Variants in TPH1 observed in about 807,000 individuals in gnomAD.
TPH1 encodes the protein tryptophan 5-hydroxylase 1.
In TPH1, 37 loss-of-function variants were observed where a neutral mutation model predicts 49.5. The ratio of observed to expected loss-of-function variants is 0.75; its 90% CI spans 0.58 to 0.98. TPH1 has a LOEUF of 0.98. Among genes scored for constraint, TPH1 ranks in the 50% least tolerant of loss-of-function variants. The pLI, the probability that TPH1 is intolerant of heterozygous loss-of-function variation, is 0.00. For synonymous variants in TPH1, 160 were observed against 182.1 expected, an observed-to-expected ratio of 0.88 and a Z score of 0.98; for missense variants, 487 against 523.6, an observed-to-expected ratio of 0.93 and a Z score of 0.68.
intron 2 of TPH1, among the ~76,000 whole-genome samples, chr11:18,039,794 T>A (rs1036345833): frequency 4.6e-5 from 7 of 152,150 alleles, no homozygotes; most frequent in Non-Finnish European, 1.0e-4. Flanking sequence ...ACTCAATAAA[T>A]ATTCGTGTTC....
intron 3 of TPH1, among the ~76,000 whole-genome samples, chr11:18,035,109 C>T (rs1029229342): frequency 2.6e-5 from 4 of 152,226 alleles, no homozygotes; most frequent in African/African-American, 7.2e-5. Flanking sequence ...TGCTGTGCAG[C>T]CTGGTTCCTA....
At chr11:18,045,438 A>T (rs1287440449) in intron 1 of TPH1, among the ~76,000 whole-genome samples, 3 of 151,964 alleles carry the variant, frequency 2.0e-5, no homozygotes. Flanking sequence ...TAAACCACAG[A>T]TTATAACTTT....
At chr11:18,041,382 C>T (rs1848097435) in intron 1 of TPH1, 2 of 152,616 alleles carry the variant, frequency 1.3e-5, no homozygotes, top group African/African-American at 2.4e-5. Context: ...TTCTTAACCA[C>T]CTATTTACAC....
intron 6 of TPH1, among the ~76,000 whole-genome samples, chr11:18,028,885 C>T (rs889085975): frequency 6.6e-6 from 1 of 151,812 alleles, no homozygotes; most frequent in African/African-American, 2.4e-5. Context: ...GCCAACATGG[C>T]GAAACCCCAT....
At chr11:18,028,303 C>T (rs972273333) in intron 6 of TPH1, among the ~76,000 whole-genome samples, 8 of 152,198 alleles carry the variant, frequency 5.3e-5, no homozygotes, top group Non-Finnish European at 1.0e-4. Context: ...TGGAAAATGT[C>T]TTCAACCTTC....
At chr11:18,041,867 G>T (rs1234780408) in intron 1 of TPH1, among the ~76,000 whole-genome samples, 1 of 152,178 alleles carries the variant, frequency 6.6e-6, no homozygotes, top group Non-Finnish European at 1.5e-5. Flanking sequence ...CAACCCAAGC[G>T]CATTCACATG....
intron 1 of TPH1, among the ~76,000 whole-genome samples, chr11:18,041,489 A>C (rs1191151672): frequency 6.6e-6 from 1 of 152,194 alleles, no homozygotes; most frequent in Admixed American, 6.5e-5. Flanking sequence ...CATGCTACTT[A>C]ACCTTTCTAA....
At chr11:18,034,980 C>G (rs145171812) in intron 3 of TPH1, among the ~76,000 whole-genome samples, 102 of 152,278 alleles carry the variant, frequency 6.7e-4, no homozygotes, top group African/African-American at 2.4e-3. Flanking sequence ...TTTCATCAGG[C>G]ATTGGATTCT....
chr11:18,039,213 T>C (rs1848075480), intron 2 of TPH1, among the ~76,000 whole-genome samples: 1 of 152,254 alleles, frequency 6.6e-6, no homozygotes, highest in African/African-American at 2.4e-5. Context: ...TAGTATGTCA[T>C]ATGATTATTA....
At chr11:18,036,790 A>T (rs919338311) in intron 2 of TPH1, among the ~76,000 whole-genome samples, 1 of 152,206 alleles carries the variant, frequency 6.6e-6, no homozygotes, top group Non-Finnish European at 1.5e-5. Flanking sequence ...TTTTTCATCT[A>T]AAACAATGAG....
chr11:18,025,557 C>T lies in TPH1; in HGVS notation c.930+18G>A, dbSNP rs575651405. On this transcript the variant is annotated intron_variant, in intron 8 of 10. Coordinates refer to ENST00000682019, the MANE Select transcript of TPH1 (RefSeq NM_004179.3). ...CACCCTACCCCAGGTGAAAATATAG[C>T]TAATTCCAGATTTATACCGTTGCCA... 1.5e-5 allele frequency: 24 copies of T among 1,613,582 alleles called. No homozygotes were observed. The African/African-American group carries it at 2.8e-4, about 19-fold the overall frequency.
At chr11:18,029,017 C>A in intron 6 of TPH1, 148 bp downstream of exon 6, 1 of 601,688 alleles carries the variant, frequency 1.7e-6, no homozygotes, top group African/African-American at 2.0e-5. Context: ...GTGACAGAGG[C>A]TGCAGTGAGC....
chr11:18,030,218 G>C (rs1274704196), intron 4 of TPH1, among the ~76,000 whole-genome samples: 3 of 151,624 alleles, frequency 2.0e-5, no homozygotes, highest in African/African-American at 7.3e-5. Flanking sequence ...AGACCAGCCT[G>C]GGCAACAAAG....
chr11:18,045,677 T>C lies in TPH1; in HGVS notation c.-27+564A>G, dbSNP rs372716751. 1.1e-4 allele frequency among the ~76,000 whole-genome samples: 16 copies of C among 152,314 alleles called. No individual in the cohort carries two copies. In the South Asian group the frequency reaches 3.1e-3, roughly 30 times the overall value. On this transcript the variant is annotated intron_variant, in intron 1 of 10. Transcript: ENST00000682019. ...TAAACCGCAAGGACCTAGTCCTCTTTGTCAATTGCGACCTTGCAAAAAGCT... is the reference window on the plus strand; with the variant it reads ...TAAACCGCAAGGACCTAGTCCTCTTCGTCAATTGCGACCTTGCAAAAAGCT...
intron 4 of TPH1, 56 bp downstream of exon 4, chr11:18,033,218 A>C: frequency 7.5e-7 from 1 of 1,330,770 alleles, no homozygotes; most frequent in African/African-American, 1.4e-5. Context: ...GTGCCACTGC[A>C]CTCCAGTCTG....
At chr11:18,037,046 C>T (rs1265120917) in intron 2 of TPH1, among the ~76,000 whole-genome samples, 2 of 151,954 alleles carry the variant, frequency 1.3e-5, no homozygotes, top group Admixed American at 1.3e-4. Context: ...CAGGTGGGAA[C>T]TTAAATGAAT....
At chr11:18,037,262 G>A (rs1030141197) in intron 2 of TPH1, among the ~76,000 whole-genome samples, 15 of 152,090 alleles carry the variant, frequency 9.9e-5, no homozygotes, top group African/African-American at 3.6e-4. Flanking sequence ...GGATACTGAG[G>A]TGGGAGGGTC....
Position 18,046,266 on chromosome 11 carries a change from G to A in TPH1, c.-52C>T, listed in dbSNP as rs958851218. ...CTCGGGCGCCAGTAGGTGCAGGCTGGGTCGGCCGGCGGCCCCGCGCTGCCT... is the reference window on the plus strand; with the variant it reads ...CTCGGGCGCCAGTAGGTGCAGGCTGAGTCGGCCGGCGGCCCCGCGCTGCCT... On this transcript the variant is annotated 5_prime_UTR_variant, in exon 1 of 11. Transcript: ENST00000682019. 6.6e-6 allele frequency among the ~76,000 whole-genome samples: 1 copy of A among 152,130 alleles called. No individual in the cohort carries two copies. Among genetic ancestry groups the A allele is most frequent in the African/African-American group, 2.4e-5 (1 of 41,430 alleles).
chr11:18,027,653 G>C (rs1847943478), intron 6 of TPH1, among the ~76,000 whole-genome samples: 1 of 152,148 alleles, frequency 6.6e-6, no homozygotes, highest in African/African-American at 2.4e-5. Context: ...CCAGGCTCCA[G>C]ACCCTAAGAG....
Sources: gnomAD v4.1 joint callset for allele counts (sites outside exome capture counted in the v4.1 genomes callset) on GRCh38, gnomAD v4.1.1 for gene constraint, MANE v1.5 for transcripts, NCBI Gene and HGNC (gene_info 2026-07-23, HGNC 2026-07-21) for gene names.